The following STAT2 variants were observed in gnomAD, a reference collection of about 807,000 sequenced individuals.
The protein encoded by STAT2 is signal transducer and activator of transcription 2.
Under a neutral mutation model 122.3 loss-of-function variants are expected in STAT2, and 51 were observed. The ratio of observed to expected loss-of-function variants is 0.42; its 90% CI spans 0.33 to 0.53. STAT2 has a LOEUF of 0.53. STAT2 is among the 20% of genes least tolerant of loss of function. The pLI is 0.10. For missense variants in STAT2, 736 were observed against 1,010.3 expected, an observed-to-expected ratio of 0.73 and a Z score of 3.68; for synonymous variants, 351 against 394.9, an observed-to-expected ratio of 0.89 and a Z score of 1.32.
intron 12 of STAT2, 49 bp from the exon 13 acceptor site, chr12:56,350,239 A>T (rs758269195): frequency 6.6e-7 from 1 of 1,519,672 alleles, no homozygotes; most frequent in Non-Finnish European, 9.0e-7. Flanking sequence ...ATTATTCTAA[A>T]AACTCAGCAG....
intron 1 of STAT2, among the ~76,000 whole-genome samples, chr12:56,359,178 G>C (rs1348968333): frequency 2.0e-5 from 3 of 152,178 alleles, no homozygotes; most frequent in Non-Finnish European, 4.4e-5. Context: ...CAAGGGAAGG[G>C]AGGGATTGGG....
Position 56,356,281 on chromosome 12 carries a change from C to T in STAT2, c.136G>A (p.Glu46Lys). Residue 46 changes from glutamate to lysine, a missense_variant, in exon 3 of 24, where the codon GAA becomes AAA. Glu to Lys is a moderately conservative substitution (Grantham distance 56). Coordinates refer to ENST00000314128, the MANE Select transcript of STAT2 (RefSeq NM_005419.4). The stretch of plus-strand genomic sequence containing the variant: ...GAATCATCACTCCCAAGTGCAGCTT[C>T]CTGCCTGGGCACCAGGAATAAGAAG... ...AVWIEDQNWQEAALGSDDSKA... is the reference protein window; with the variant it reads ...AVWIEDQNWQKAALGSDDSKA... 6.2e-7 allele frequency: 1 copy of T among 1,611,162 alleles called. No individual in the cohort carries two copies. Among genetic ancestry groups the T allele is most frequent in the Non-Finnish European group, 8.5e-7 (1 of 1,179,974 alleles).
Position 56,354,628 on chromosome 12 carries a change from A to G in STAT2, c.634-14T>C. 1 of 1,614,100 alleles carries G rather than the reference A, an allele frequency of 6.2e-7. No individual in the cohort carries two copies. Among genetic ancestry groups the G allele is most frequent in the Non-Finnish European group, 8.5e-7 (1 of 1,179,996 alleles). On this transcript the variant is annotated splice_polypyrimidine_tract_variant and intron_variant, in intron 7 of 23. Coordinates refer to ENST00000314128, the MANE Select transcript of STAT2 (RefSeq NM_005419.4). Reference sequence around the variant, plus strand: ...ATCCAGCACCTCCTGGGAAAGAGATAATGTGAGTGTTGAGCATCTCTCCCT... The same window carrying G: ...ATCCAGCACCTCCTGGGAAAGAGATGATGTGAGTGTTGAGCATCTCTCCCT...
Position 56,351,368 on chromosome 12 carries a change from G to C in STAT2, c.865C>G (p.Gln289Glu), listed in dbSNP as rs779289776. 1 of 1,614,130 alleles carries C rather than the reference G, an allele frequency of 6.2e-7. No homozygotes were observed. The highest frequency in any genetic ancestry group is 2.2e-5 in the East Asian group (1 of 44,870). Residue 289 changes from glutamine to glutamate, a missense_variant, in exon 9 of 24, where the codon CAG becomes GAG. Gln to Glu is a conservative substitution (Grantham distance 29, BLOSUM62 2). Coordinates refer to ENST00000314128, the MANE Select transcript of STAT2 (RefSeq NM_005419.4). ...LKGLSCLVSY[Q>E]DDPLTKGVDL... ...ACCCCTTTGGTCAGAGGGTCATCCT[G>C]ATAGCTAACCAGGCAACTCAGTCCC...
intron 1 of STAT2, among the ~76,000 whole-genome samples, chr12:56,359,147 C>A (rs1879982290): frequency 6.6e-6 from 1 of 152,098 alleles, no homozygotes; most frequent in African/African-American, 2.4e-5. Flanking sequence ...ACATCAGCTG[C>A]CTTTCTACCT....
At chr12:56,350,030 C>T (rs1878203035) in intron 13 of STAT2, 67 bp downstream of exon 13, 13 of 1,395,120 alleles carry the variant, frequency 9.3e-6, no homozygotes, top group Middle Eastern at 1.8e-4. Flanking sequence ...GCCTGGGGGA[C>T]AGAGTGAGAC....
chr12:56,356,147 G>A lies in STAT2; in HGVS notation c.270C>T (p.Phe90=), dbSNP rs1879479943. 1.2e-6 allele frequency: 2 copies of A among 1,613,962 alleles called. No individual in the cohort carries two copies. The highest frequency in any genetic ancestry group is 1.7e-6 in the Non-Finnish European group (2 of 1,179,980). ...SLLLQHNLRK[F]CRDIQPFSQD... ...TTCCAAGTACCTGAATGTCCCGGCA[G>A]AATTTCCGCAAATTGTGCTGCAGCA... Residue 90 remains phenylalanine, a synonymous_variant, in exon 3 of 24, where the codon TTC becomes TTT. Transcript: ENST00000314128.
chr12:56,352,354 T>C (rs950915523), intron 8 of STAT2: 10 of 142,570 alleles, frequency 7.0e-5, no homozygotes, highest in Non-Finnish European at 1.2e-4. Context: ...ACTATCTTTT[T>C]TTTTTTTTTT....
chr12:56,348,121 C>T (rs975154961), intron 19 of STAT2, among the ~76,000 whole-genome samples: 3 of 134,888 alleles, frequency 2.2e-5, no homozygotes, highest in African/African-American at 5.5e-5. Flanking sequence ...CGGAGTCTTG[C>T]TCGTCACCCA....
chr12:56,354,404 G>GGCACT, intron 8 of STAT2, 62 bp downstream of exon 8: 3 of 1,607,498 alleles, frequency 1.9e-6, no homozygotes, highest in South Asian at 2.2e-5. Flanking sequence ...CTATATGCAG[G>GGCACT]GCACTGCAAC....
rs772977444 is a variant in STAT2, at chr12:56,346,899, A to G, written c.1781T>C (p.Met594Thr). 7 of 1,614,186 alleles carry G rather than the reference A, an allele frequency of 4.3e-6. No homozygotes were observed. The South Asian group carries it at 5.5e-5, about 13-fold the overall frequency. The change falls in exon 20 of 24, where the codon ATG (methionine) becomes ACG (threonine). Residue 594 changes from methionine (M) to threonine (T), a missense_variant. Coordinates refer to ENST00000314128, the MANE Select transcript of STAT2 (RefSeq NM_005419.4). Reference sequence around the variant, plus strand: ...GAAGCGCAGTAGAAAGGTGCCAGACATGGTCTTCTTCAGCAGCCGGCGCTC... The same window carrying G: ...GAAGCGCAGTAGAAAGGTGCCAGACGTGGTCTTCTTCAGCAGCCGGCGCTC... The part of the protein sequence containing the change: ...SQERRLLKKT[M>T]SGTFLLRFSE...
intron 14 of STAT2, 37 bp from the exon 15 acceptor site, chr12:56,349,546 T>G (rs775369571): frequency 6.2e-7 from 1 of 1,614,036 alleles, no homozygotes; most frequent in African/African-American, 1.3e-5. Context: ...AGAAGGCTCT[T>G]TGGCAAGCTC....
At chr12:56,353,944 T>C (rs1389633654) in intron 8 of STAT2, among the ~76,000 whole-genome samples, 2 of 133,886 alleles carry the variant, frequency 1.5e-5, no homozygotes, top group Non-Finnish European at 3.1e-5. Context: ...TGCAGTGAGC[T>C]GAGATCGTGC....
At chr12:56,344,213 T>C (rs1410853783) in intron 22 of STAT2, 78 bp from the exon 23 acceptor site, 3 of 1,482,946 alleles carry the variant, frequency 2.0e-6, no homozygotes, top group African/African-American at 2.8e-5. Flanking sequence ...AAGCAGAAGC[T>C]AGTCTAAGAA....
intron 17 of STAT2, 46 bp from the exon 18 acceptor site, chr12:56,348,850 T>C: frequency 6.2e-7 from 1 of 1,613,564 alleles, no homozygotes; most frequent in Non-Finnish European, 8.5e-7. Flanking sequence ...AAGCCAGGGG[T>C]CCTGGGATAG....
At chr12:56,346,989 C>A in intron 19 of STAT2, 34 bp from the exon 20 acceptor site, 3 of 1,607,976 alleles carry the variant, frequency 1.9e-6, no homozygotes, top group South Asian at 1.1e-5. Context: ...AGACACCGCC[C>A]AACACCCTGC....
intron 11 of STAT2, 133 bp from the exon 12 acceptor site, chr12:56,350,565 G>T: frequency 1.2e-6 from 1 of 830,108 alleles, no homozygotes; most frequent in Non-Finnish European, 1.9e-6. Context: ...GAGAAGAGAT[G>T]TAATCAGTCT....
At chr12:56,354,991 T>C in intron 6 of STAT2, 128 bp from the exon 7 acceptor site, 1 of 996,558 alleles carries the variant, frequency 1.0e-6, no homozygotes, top group Admixed American at 2.3e-5. Context: ...CACAGGCACC[T>C]GTGGGACCCT....
Position 56,343,338 on chromosome 12 carries a change from TGAG to T in STAT2, c.*48_*50del. The stretch of plus-strand genomic sequence containing the variant: ...ATCCTTGGAGAACAATATCATGCTA[TGAG>T]GAGTAGGAAGGGCAAGAGATATGAA... On this transcript the variant is annotated 3_prime_UTR_variant, in exon 24 of 24. Transcript: ENST00000314128. 2 of 1,586,418 alleles carry T rather than the reference TGAG, an allele frequency of 1.3e-6. No individual in the cohort carries two copies. Among genetic ancestry groups the T allele is most frequent in the Non-Finnish European group, 1.7e-6 (2 of 1,162,676 alleles).
Sources: gnomAD v4.1 joint callset for allele counts (sites outside exome capture counted in the v4.1 genomes callset) on GRCh38, gnomAD v4.1.1 for gene constraint, MANE v1.5 for transcripts, NCBI Gene and HGNC (gene_info 2026-07-23, HGNC 2026-07-21) for gene names.